Variants in ZBTB7B observed in about 807,000 individuals in gnomAD.
The protein encoded by ZBTB7B is zinc finger and BTB domain containing 7B.
In ZBTB7B, 8 loss-of-function variants were observed where a neutral mutation model predicts 31.0. The ratio of observed to expected loss-of-function variants is 0.26; its 90% confidence interval spans 0.15 to 0.47. ZBTB7B has a LOEUF of 0.47. Among genes scored for constraint, ZBTB7B ranks in the 20% least tolerant of loss-of-function variants. ZBTB7B has a pLI of 0.99. For missense variants in ZBTB7B, 494 were observed against 742.4 expected, an observed-to-expected ratio of 0.67 and a Z score of 3.89; for synonymous variants, 261 against 307.3, an observed-to-expected ratio of 0.85 and a Z score of 1.58.
At chr1:155,012,042 C>G (rs907389972) in intron 1 of ZBTB7B, among the ~76,000 whole-genome samples, 3 of 152,196 alleles carry the variant, frequency 2.0e-5, no homozygotes, top group African/African-American at 7.2e-5. Context: ...TCTGCCTCTC[C>G]CCCTCTTTCA....
rs199717216 is a variant in ZBTB7B at position 155,015,113 on chromosome 1, G to C, written c.453G>C (p.Pro151=). 9 of 1,613,388 alleles carry C rather than the reference G, an allele frequency of 5.6e-6. No homozygotes were observed. In the African/African-American group the frequency reaches 1.1e-4, roughly 19 times the overall value. ...GCAGTGGGCTAGAAGCTCCCAGCCC[G>C]GACGAGGATGACTGTGAGCGAGCCC... is the stretch of plus-strand genomic sequence containing the variant. The part of the protein sequence containing the change: ...LQGSGLEAPS[P]DEDDCERARQ... Residue 151 remains proline (P), a synonymous_variant, in exon 2 of 3, where the codon CCG becomes CCC. Transcript: ENST00000535420.
rs752096796 is a variant in ZBTB7B at position 155,015,520 on chromosome 1, C to G, written c.860C>G (p.Ala287Gly). 5.0e-6 allele frequency: 8 copies of G among 1,613,918 alleles called. No homozygotes were observed. Among genetic ancestry groups the G allele is most frequent in the Non-Finnish European group, 6.8e-6 (8 of 1,179,954 alleles). ...GAAGAGGAGCTGGTATATCCCCCAG[C>G]CTATGGGCTGGCGCAGGGTGGCGGG... The part of the protein sequence containing the change: ...EEEEELVYPP[A>G]YGLAQGGGPP... Residue 287 changes from alanine (A) to glycine (G), a missense_variant, in exon 2 of 3, where the codon GCC becomes GGC. Around this residue, in one of 5 missense-constraint regions of ZBTB7B, gnomAD observed 216 missense variants for 229.3 expected, o/e 0.94. Transcript: ENST00000535420.
intron 1 of ZBTB7B, among the ~76,000 whole-genome samples, chr1:155,009,322 G>A (rs560024682): frequency 1.6e-4 from 25 of 151,870 alleles, no homozygotes; most frequent in Non-Finnish European, 2.2e-4. Context: ...TTCTGCTGGC[G>A]GCTTGGCGGG....
rs1659350355 is a variant in ZBTB7B, at chr1:155,015,756, A to C, written c.1096A>C (p.Arg366=). 6.2e-7 allele frequency: 1 copy of C among 1,612,338 alleles called. No individual in the cohort carries two copies. The highest frequency in any genetic ancestry group is 2.2e-5 in the East Asian group (1 of 44,866). Residue 366 remains arginine (R), a synonymous_variant, in exon 2 of 3, where the codon AGG becomes CGG. Transcript: ENST00000535420. ...HGAGKLPRHM[R]THTGEKPFAC... Reference sequence around the variant, plus strand: ...GGCAGGCAAACTGCCTCGCCACATGAGGACCCACACAGGCGAGAAGCCCTT... The same window carrying C: ...GGCAGGCAAACTGCCTCGCCACATGCGGACCCACACAGGCGAGAAGCCCTT...
intron 1 of ZBTB7B, 107 bp from the exon 2 acceptor site, chr1:155,014,548 G>T: frequency 1.0e-6 from 1 of 953,070 alleles, no homozygotes; most frequent in South Asian, 1.6e-5. Context: ...TCAGAAGGGT[G>T]ACTGGCATGC....
chr1:155,015,564 G>C lies in ZBTB7B; in HGVS notation c.904G>C (p.Glu302Gln), dbSNP rs1659323051. 6.2e-7 allele frequency: 1 copy of C among 1,613,714 alleles called. No individual in the cohort carries two copies. Among genetic ancestry groups the C allele is most frequent in the African/African-American group, 1.3e-5 (1 of 74,930 alleles). ...TGGCGGGCCCCCGCTGTCCCCAGAG[G>C]AGCTGGGCTCAGATGAGGATGCCAT... ...QGGGPPLSPEELGSDEDAIDP... is the reference protein window; with the variant it reads ...QGGGPPLSPEQLGSDEDAIDP... Residue 302 changes from glutamate to glutamine, a missense_variant, in exon 2 of 3, where the codon GAG (glutamate) becomes CAG (glutamine). Around this residue, in one of 5 missense-constraint regions of ZBTB7B, gnomAD observed 216 missense variants for 229.3 expected, o/e 0.94. Transcript: ENST00000535420.
Position 155,015,211 on chromosome 1 carries a change from T to C in ZBTB7B, c.551T>C (p.Val184Ala), listed in dbSNP as rs778676511. ...VPNGEDSPPQ[V>A]PLPPPPPPPP... ...AATGGTGAAGACAGTCCTCCACAGG[T>C]GCCCCTCCCACCACCTCCGCCACCG... is the stretch of plus-strand genomic sequence containing the variant. Residue 184 changes from valine to alanine, a missense_variant, in exon 2 of 3, where the codon GTG becomes GCG. Around this residue, in one of 5 missense-constraint regions of ZBTB7B, gnomAD observed 216 missense variants for 229.3 expected, o/e 0.94. Transcript: ENST00000535420. 2.5e-6 allele frequency: 4 copies of C among 1,613,440 alleles called. No homozygotes were observed. In the African/African-American group the frequency reaches 4.0e-5, roughly 16 times the overall value.
chr1:155,011,412 C>G (rs1658965922), intron 1 of ZBTB7B, among the ~76,000 whole-genome samples: 3 of 152,254 alleles, frequency 2.0e-5, no homozygotes. Context: ...TAGGCACTCC[C>G]ACCTTTACCC....
At chr1:155,010,831 G>A in intron 1 of ZBTB7B, 1 of 1,138,678 alleles carries the variant, frequency 8.8e-7, no homozygotes, top group South Asian at 1.3e-5. Context: ...AGGGAGAAAG[G>A]AGACAGAAGT....
intron 1 of ZBTB7B, chr1:155,011,058 G>A: frequency 6.8e-7 from 1 of 1,470,862 alleles, no homozygotes; most frequent in Non-Finnish European, 9.2e-7. Context: ...CTGCGTGCCT[G>A]TGTCCCAGGC....
Position 155,016,293 on chromosome 1 carries a change from C to T in ZBTB7B, c.1228C>T (p.Arg410Cys), listed in dbSNP as rs756293648. ...RPYSCPHCPA[R>C]FLHSYDLKNH... Reference sequence around the variant, plus strand: ...CTACTCATGCCCGCACTGCCCAGCCCGCTTCCTGCACAGCTACGACCTCAA... The same window carrying T: ...CTACTCATGCCCGCACTGCCCAGCCTGCTTCCTGCACAGCTACGACCTCAA... Residue 410 changes from arginine (R) to cysteine (C), a missense_variant, in exon 3 of 3, where the codon CGC (arginine) becomes TGC (cysteine). Arg to Cys is a radical substitution (Grantham distance 180). Coordinates refer to ENST00000535420, the MANE Select transcript of ZBTB7B (RefSeq NM_001256455.2). The surrounding 1 kb of genome is among the most constrained non-coding windows in gnomAD (Gnocchi z 4.3). 5 of 1,614,066 alleles carry T rather than the reference C, an allele frequency of 3.1e-6. No homozygotes were observed. Among genetic ancestry groups the T allele is most frequent in the South Asian group, 1.1e-5 (1 of 91,078 alleles).
intron 1 of ZBTB7B, chr1:155,014,433 A>C: frequency 1.7e-6 from 1 of 586,922 alleles, no homozygotes; most frequent in African/African-American, 1.9e-5. Context: ...TCTGCACTTA[A>C]CTTGGAAAAT....
chr1:155,009,136 C>T lies in ZBTB7B; in HGVS notation c.-6-5519C>T, dbSNP rs1440788399. Among the ~76,000 whole-genome samples the T allele has an allele frequency of 4.6e-5, 7 of 152,228 alleles. No homozygotes were observed. In the East Asian group the frequency reaches 1.2e-3, roughly 25 times the overall value. On this transcript the variant is annotated intron_variant, in intron 1 of 2. Coordinates refer to ENST00000535420, the MANE Select transcript of ZBTB7B (RefSeq NM_001256455.2). ...TTTAGGGAACTGAGGGCTTGAGAAG[C>T]GGGAATGTGGGGAGGCCTCAGTGTT...
intron 1 of ZBTB7B, among the ~76,000 whole-genome samples, chr1:155,008,716 G>A (rs1427991460): frequency 6.6e-6 from 1 of 152,158 alleles, no homozygotes; most frequent in East Asian, 1.9e-4. Context: ...GGGGCTTCAG[G>A]CACCACAGGC....
rs1659524626 is a variant in ZBTB7B, at chr1:155,017,362, G to GGCCCCGACT, written c.*683_*684insACTGCCCCG. 6.6e-6 allele frequency: 1 copy of GGCCCCGACT among 152,470 alleles called. No homozygotes were observed. Among genetic ancestry groups the GGCCCCGACT allele is most frequent in the East Asian group, 1.9e-4 (1 of 5,178 alleles). 9.4% of individuals were successfully genotyped at this position (152,470 alleles called of 1,614,324 possible). ...CGCCTGCCCCTGGGGGCAGTAGAGGGGCCCCGCCCAGCTAGGGGAGCCGCT... is the reference window on the plus strand; with the variant it reads ...CGCCTGCCCCTGGGGGCAGTAGAGGGGCCCCGACTGCCCCGCCCAGCTAGGGGAGCCGCT... On this transcript the variant is annotated 3_prime_UTR_variant, in exon 3 of 3. Transcript: ENST00000535420.
chr1:155,014,190 C>A, intron 1 of ZBTB7B: 1 of 644,796 alleles, frequency 1.6e-6, no homozygotes, highest in Non-Finnish European at 1.9e-6. Flanking sequence ...GGCCAGCTGC[C>A]AGTACCACCC....
In ZBTB7B at chr1:155,016,162, G is replaced by A; in HGVS notation, c.1155-58G>A. On this transcript the variant is annotated intron_variant, in intron 2 of 2. Coordinates refer to ENST00000535420, the MANE Select transcript of ZBTB7B (RefSeq NM_001256455.2). The surrounding 1 kb of genome is among the most constrained non-coding windows in gnomAD (Gnocchi z 4.3). ...GACAAGGCCAGGGTGGGATGACCAGGAGGAGCCAGGGATCCCATCCTGAAC... is the reference window on the plus strand; with the variant it reads ...GACAAGGCCAGGGTGGGATGACCAGAAGGAGCCAGGGATCCCATCCTGAAC... The A allele has an allele frequency of 6.5e-7, 1 of 1,549,780 alleles. No homozygotes were observed. Among genetic ancestry groups the A allele is most frequent in the Non-Finnish European group, 8.8e-7 (1 of 1,134,598 alleles).
intron 1 of ZBTB7B, among the ~76,000 whole-genome samples, chr1:155,012,446 C>CCTG (rs1334302264): frequency 1.3e-5 from 2 of 152,060 alleles, no homozygotes; most frequent in African/African-American, 4.8e-5. Flanking sequence ...TGCTGCTCCT[C>CCTG]CTGCTGCTGC....
At chr1:155,009,856 G>C (rs1658830340) in intron 1 of ZBTB7B, among the ~76,000 whole-genome samples, 1 of 152,110 alleles carries the variant, frequency 6.6e-6, no homozygotes, top group Non-Finnish European at 1.5e-5. Flanking sequence ...GGAGAAAGTG[G>C]AGAAGTTTGA....
Sources: gnomAD v4.1 joint callset for allele counts (sites outside exome capture counted in the v4.1 genomes callset) on GRCh38, gnomAD v4.1.1 for gene constraint, gnomAD v4.1.1 regional missense constraint, Gnocchi (gnomAD v3.1) non-coding constraint, MANE v1.5 for transcripts, NCBI Gene and HGNC (gene_info 2026-07-23, HGNC 2026-07-21) for gene names.